The following SMARCA2 variants were observed in gnomAD, a reference collection of about 807,000 sequenced individuals.
SMARCA2 encodes the protein SWI/SNF-related matrix-associated actin-dependent regulator of chromatin subfamily A member 2.
Under a neutral mutation model 199.8 loss-of-function variants are expected in SMARCA2, and 61 were observed. The ratio of observed to expected loss-of-function variants is 0.31; its 90% CI spans 0.25 to 0.38. The LOEUF is 0.38. Ranked by LOEUF, SMARCA2 falls within the 10% of genes least tolerant of loss-of-function variation. The pLI is 1.00. For missense variants in SMARCA2, 1,344 were observed against 2,012.2 expected (o/e 0.67, Z 6.35); for synonymous variants, 935 against 732.0 (o/e 1.28, Z -4.48).
In SMARCA2 at chr9:2,125,271, G is replaced by A. The variant is rs13283223; in HGVS notation, c.3981+1334G>A. 6.8e-3 allele frequency among the ~76,000 whole-genome samples: 1,040 copies of A among 152,208 alleles called. 8 individuals are homozygous for A. The highest frequency in any genetic ancestry group is 0.011 in the Non-Finnish European group (750 of 68,008). The stretch of plus-strand genomic sequence containing the variant: ...AGAACATTTGTGTGATTAGTTTGTC[G>A]TATCCAGTCAAATATTCCAGTGACC... On this transcript the variant is annotated intron_variant, in intron 27 of 33. Coordinates refer to ENST00000349721, the MANE Select transcript of SMARCA2 (RefSeq NM_003070.5).
Position 2,058,398 on chromosome 9 carries a change from C to T in SMARCA2, c.1455C>T (p.Ala485=), listed in dbSNP as rs1189429545. Reference sequence around the variant, plus strand: ...CCAAAGCAGTGGCAACTTGGCATGCCAACACTGAAAGAGAGCAGAAGAAGG... The same window carrying T: ...CCAAAGCAGTGGCAACTTGGCATGCTAACACTGAAAGAGAGCAGAAGAAGG... ...KLSKAVATWH[A]NTEREQKKET... The change falls in exon 8 of 34, where the codon GCC becomes GCT. Residue 485 remains alanine, a synonymous_variant. Transcript: ENST00000349721. 2 of 1,613,998 alleles carry T rather than the reference C, an allele frequency of 1.2e-6. No homozygotes were observed. The highest frequency in any genetic ancestry group is 2.2e-5 in the East Asian group (1 of 44,882).
intron 19 of SMARCA2, among the ~76,000 whole-genome samples, chr9:2,092,962 G>A (rs988478596): frequency 1.3e-5 from 2 of 152,136 alleles, no homozygotes; most frequent in Non-Finnish European, 2.9e-5. Flanking sequence ...AACTTCTCTC[G>A]TCACTGTGAT....
Position 2,170,204 on chromosome 9 carries a change from A to T in SMARCA2, c.4200-215A>T, listed in dbSNP as rs1315112391. 6.6e-6 allele frequency among the ~76,000 whole-genome samples: 1 copy of T among 152,160 alleles called. No individual in the cohort carries two copies. Among genetic ancestry groups the T allele is most frequent in the Non-Finnish European group, 1.5e-5 (1 of 68,018 alleles). On this transcript the variant is annotated intron_variant, in intron 28 of 33. Transcript: ENST00000349721. The surrounding 1 kb of genome is among the most constrained non-coding windows in gnomAD (Gnocchi z 4.7). Reference sequence around the variant, plus strand: ...TGTGTGACGGAAGTAGGAAAATCCCAGAAAGGTTAGGAAATCCACTTCCCC... The same window carrying T: ...TGTGTGACGGAAGTAGGAAAATCCCTGAAAGGTTAGGAAATCCACTTCCCC...
chr9:2,167,236 CTCTT>C (rs796948355), intron 28 of SMARCA2, among the ~76,000 whole-genome samples: 11 of 152,322 alleles, frequency 7.2e-5, no homozygotes, highest in South Asian at 2.1e-4. Flanking sequence ...GCTTGATATG[CTCTT>C]TCTATCAACT....
intron 3 of SMARCA2, among the ~76,000 whole-genome samples, chr9:2,034,341 T>C (rs1170249102): frequency 2.0e-5 from 3 of 151,690 alleles, no homozygotes; most frequent in Non-Finnish European, 2.9e-5. Context: ...GGGAACACAA[T>C]TCAACTCACA....
At chr9:2,126,079 G>C (rs1823680473) in intron 27 of SMARCA2, among the ~76,000 whole-genome samples, 1 of 152,186 alleles carries the variant, frequency 6.6e-6, no homozygotes, top group Non-Finnish European at 1.5e-5. Context: ...TAAGAGGAAA[G>C]GGAAAGTGAC....
At chr9:2,054,142 G>A (rs1281621026) in intron 5 of SMARCA2, among the ~76,000 whole-genome samples, 1 of 152,226 alleles carries the variant, frequency 6.6e-6, no homozygotes, top group Non-Finnish European at 1.5e-5. Context: ...GTCGTCATCA[G>A]CATCTTGGCA....
intron 12 of SMARCA2, chr9:2,075,250 C>T (rs752259821): frequency 1.3e-5 from 2 of 152,596 alleles, no homozygotes; most frequent in Non-Finnish European, 2.9e-5. Context: ...AAATGATCTG[C>T]TATCATAAGG....
chr9:2,188,163 G>T (rs999021137), intron 32 of SMARCA2, among the ~76,000 whole-genome samples: 4 of 152,112 alleles, frequency 2.6e-5, no homozygotes, highest in African/African-American at 7.2e-5. Flanking sequence ...GGCAATGAGG[G>T]TTTTTCTACA....
intron 1 of SMARCA2, among the ~76,000 whole-genome samples, chr9:2,026,672 G>T (rs1268096617): frequency 6.6e-6 from 1 of 152,158 alleles, no homozygotes; most frequent in South Asian, 2.1e-4. Context: ...GCTGATTTCA[G>T]TGTAAACCAT....
At position 2,056,780 on chromosome 9, in the gene SMARCA2, A is replaced by G. The variant is rs1820373476; in HGVS notation, c.1282A>G (p.Met428Val). Residue 428 changes from methionine (M) to valine (V), a missense_variant, in exon 7 of 34, where the codon ATG (methionine) becomes GTG (valine). Transcript: ENST00000349721. The surrounding 1 kb of genome is among the most constrained non-coding windows in gnomAD (Gnocchi z 4.0). ...GCGCCAGACTCTGAGAGAAGCTCGC[A>G]TGACCGAGAAGCTGGAGAAGCAGCA... is the stretch of plus-strand genomic sequence containing the variant. Reference protein sequence around the residue: ...SKRQTLREARMTEKLEKQQKI... With the variant: ...SKRQTLREARVTEKLEKQQKI... The G allele has an allele frequency of 6.2e-7, 1 of 1,614,142 alleles. No individual in the cohort carries two copies. Among genetic ancestry groups the G allele is most frequent in the Non-Finnish European group, 8.5e-7 (1 of 1,180,052 alleles).
chr9:2,181,864 C>G (rs1827050816), intron 30 of SMARCA2, among the ~76,000 whole-genome samples, 188 bp downstream of exon 30: 1 of 152,160 alleles, frequency 6.6e-6, no homozygotes, highest in Non-Finnish European at 1.5e-5. Context: ...CGTTATATTG[C>G]ATTTTATTGA....
At chr9:2,171,964 T>A (rs1160176359) in intron 29 of SMARCA2, among the ~76,000 whole-genome samples, 2 of 152,208 alleles carry the variant, frequency 1.3e-5, no homozygotes, top group African/African-American at 4.8e-5. Flanking sequence ...CGGTATATGG[T>A]TAGGAACTAG....
rs750471446 is a variant in SMARCA2 at position 2,182,170 on chromosome 9, C to T, written c.4389C>T (p.Ser1463=). 27 of 1,613,052 alleles carry T rather than the reference C, an allele frequency of 1.7e-5. No homozygotes were observed. Among genetic ancestry groups the T allele is most frequent in the African/African-American group, 2.7e-5 (2 of 75,014 alleles). Residue 1463 remains serine (S), a synonymous_variant, in exon 31 of 34, where the codon AGC becomes AGT. Transcript: ENST00000349721. ...GGATTCGTAATCATAAGTACCGGAG[C>T]CTAGGCGACCTGGAGAAGGATGTCA... is the stretch of plus-strand genomic sequence containing the variant. ...KERIRNHKYR[S]LGDLEKDVML...
intron 29 of SMARCA2, among the ~76,000 whole-genome samples, chr9:2,172,919 A>G (rs1225485408): frequency 2.0e-5 from 3 of 152,316 alleles, no homozygotes; most frequent in South Asian, 2.1e-4. Flanking sequence ...TGAAGGATGG[A>G]TCGAAGGAGG....
chr9:2,075,104 C>G (rs1055402577), intron 12 of SMARCA2: 2 of 152,310 alleles, frequency 1.3e-5, no homozygotes, highest in African/African-American at 2.4e-5. Flanking sequence ...CAGCCCTTGT[C>G]CCTGGGCCCA....
intron 5 of SMARCA2, among the ~76,000 whole-genome samples, 173 bp from the exon 6 acceptor site, chr9:2,054,424 A>G (rs546262812): frequency 6.2e-4 from 95 of 152,386 alleles, no homozygotes; most frequent in African/African-American, 2.2e-3. Flanking sequence ...ATGCAAAGGT[A>G]GCTTTTCTCT....
chr9:2,093,264 T>C (rs10964737), intron 19 of SMARCA2, among the ~76,000 whole-genome samples: 9,746 of 152,244 alleles, frequency 0.064, 924 homozygotes, highest in African/African-American at 0.2. Context: ...GGTGTATGTG[T>C]TGGGAAATGC....
At chr9:2,134,817 CT>C (rs1224544850) in intron 27 of SMARCA2, among the ~76,000 whole-genome samples, 1 of 152,086 alleles carries the variant, frequency 6.6e-6, no homozygotes, top group Non-Finnish European at 1.5e-5. Context: ...AGAGAGCCCC[CT>C]AGGTCTTTCT....
Sources: allele counts gnomAD v4.1 joint callset (sites outside exome capture counted in the v4.1 genomes callset), GRCh38; gene constraint gnomAD v4.1.1; non-coding constraint Gnocchi (gnomAD v3.1); transcripts MANE v1.5; gene names NCBI Gene and HGNC (gene_info 2026-07-23, HGNC 2026-07-21).